Variants in NEURL1B observed in about 807,000 individuals in gnomAD.
The protein encoded by NEURL1B is E3 ubiquitin-protein ligase NEURL1B.
A neutral mutation model predicts 37.4 loss-of-function variants in NEURL1B; 13 were observed. The ratio of observed to expected loss-of-function variants is 0.35; its 90% confidence interval spans 0.23 to 0.55. The LOEUF (loss-of-function observed/expected upper bound fraction) is 0.55. Among genes scored for constraint, NEURL1B ranks in the 20% least tolerant of loss-of-function variants. NEURL1B has a pLI of 0.89. For synonymous variants in NEURL1B, 432 were observed against 426.6 expected, an observed-to-expected ratio of 1.01 and a Z score of -0.16; for missense variants, 790 against 879.2, an observed-to-expected ratio of 0.90 and a Z score of 1.28.
At chr5:172,663,087 A>T (rs917894433) in intron 1 of NEURL1B, among the ~76,000 whole-genome samples, 1 of 109,900 alleles carries the variant, frequency 9.1e-6, no homozygotes, top group African/African-American at 4.2e-5. Context: ...GGTGGCACAC[A>T]CCTGTCGTCC....
In NEURL1B at chr5:172,683,277, G is replaced by GT. The variant is rs1758399028; in HGVS notation, c.578-140dup. The stretch of plus-strand genomic sequence containing the variant: ...AATAACACAGATGGACAAAAGGAGA[G>GT]TTCGAAGCCGGGGTGGGGTGGGGGC... On this transcript the variant is annotated intron_variant, in intron 2 of 4. Transcript: ENST00000369800. This position sits in a 1 kb window ranked among gnomAD's most constrained non-coding sequence, Gnocchi z 5.6. The GT allele has an allele frequency of 1.1e-6, 1 of 945,680 alleles. No individual in the cohort carries two copies. The highest frequency in any genetic ancestry group is 4.3e-5 in the Admixed American group (1 of 23,058). The allele number at this position is 945,680 out of a possible 1,614,324, so 58.6% of individuals were successfully genotyped here.
intron 1 of NEURL1B, among the ~76,000 whole-genome samples, chr5:172,664,845 CTG>C (rs1283626255): frequency 9.9e-5 from 15 of 152,200 alleles, no homozygotes; most frequent in African/African-American, 2.9e-4. Flanking sequence ...AAAATAAAGA[CTG>C]TTTATCTCTT....
In NEURL1B at chr5:172,641,444, C is replaced by T. The variant is rs1215706845; in HGVS notation, c.31+7C>T. On this transcript the variant is annotated splice_region_variant and intron_variant, in intron 1 of 4. Coordinates refer to ENST00000369800, the MANE Select transcript of NEURL1B (RefSeq NM_001142651.3). The surrounding 1 kb of genome is among the most constrained non-coding windows in gnomAD (Gnocchi z 6.4). Reference sequence around the variant, plus strand: ...GTGCACCGGACCCTGCCAGGTACGCCGGGGAGCCCTGCCCGGGAGGCGGGC... The same window carrying T: ...GTGCACCGGACCCTGCCAGGTACGCTGGGGAGCCCTGCCCGGGAGGCGGGC... 6.1e-6 allele frequency: 8 copies of T among 1,322,004 alleles called. No individual in the cohort carries two copies. The highest frequency in any genetic ancestry group is 6.2e-5 in the East Asian group (2 of 32,110). The allele number at this position is 1,322,004 out of a possible 1,614,324, so 81.9% of individuals were successfully genotyped here.
At chr5:172,646,398 C>T (rs1030695586) in intron 1 of NEURL1B, among the ~76,000 whole-genome samples, 2 of 152,194 alleles carry the variant, frequency 1.3e-5, no homozygotes, top group Non-Finnish European at 2.9e-5. Context: ...CCTAGAGTCC[C>T]GGCACGGGGC....
chr5:172,641,672 C>T lies in NEURL1B; in HGVS notation c.31+235C>T, dbSNP rs531265526. Among the ~76,000 whole-genome samples the T allele has an allele frequency of 6.6e-6, 1 of 152,216 alleles. No homozygotes were observed. The highest frequency in any genetic ancestry group is 2.1e-4 in the South Asian group (1 of 4,828). The stretch of plus-strand genomic sequence containing the variant: ...CTTGGGGACCCCAGTCCTCATTCTC[C>T]CGGCTTTGGCCAGATGCGCAAAAAG... On this transcript the variant is annotated intron_variant, in intron 1 of 4. Transcript: ENST00000369800. The surrounding 1 kb of genome is among the most constrained non-coding windows in gnomAD (Gnocchi z 6.4).
In NEURL1B at chr5:172,684,068, C is replaced by A. The variant is rs1206925484; in HGVS notation, c.1227C>A (p.Val409=). 1.5e-6 allele frequency: 2 copies of A among 1,321,222 alleles called. No homozygotes were observed. Among genetic ancestry groups the A allele is most frequent in the Middle Eastern group, 2.8e-4 (1 of 3,510 alleles). The allele number at this position is 1,321,222 out of a possible 1,614,324, so 81.8% of individuals were successfully genotyped here. ...NGRPRGRLLC[V]DTTQALWAFF... is the part of the protein sequence containing the mutation. Reference sequence around the variant, plus strand: ...GTCCGCGCGGCCGCCTGCTGTGCGTCGACACCACGCAGGCGCTCTGGGCCT... The same window carrying A: ...GTCCGCGCGGCCGCCTGCTGTGCGTAGACACCACGCAGGCGCTCTGGGCCT... Residue 409 remains valine, a synonymous_variant, in exon 3 of 5, where the codon GTC becomes GTA. Transcript: ENST00000369800.
intron 2 of NEURL1B, among the ~76,000 whole-genome samples, chr5:172,678,816 T>C (rs570181001): frequency 1.6e-4 from 24 of 152,394 alleles, no homozygotes; most frequent in African/African-American, 5.5e-4. Flanking sequence ...TATGTTTCTC[T>C]GTCCCCAGTT....
intron 1 of NEURL1B, among the ~76,000 whole-genome samples, chr5:172,653,902 T>TTAC (rs990218107): frequency 6.6e-6 from 1 of 152,206 alleles, no homozygotes; most frequent in African/African-American, 2.4e-5. Flanking sequence ...ACTTTCTGAC[T>TTAC]TACTGCAAAC....
At chr5:172,651,750 A>T (rs939853142) in intron 1 of NEURL1B, among the ~76,000 whole-genome samples, 1 of 152,200 alleles carries the variant, frequency 6.6e-6, no homozygotes, top group African/African-American at 2.4e-5. Context: ...ATTAACTGTC[A>T]CCCACCAAAA....
At chr5:172,645,566 A>G (rs1049600210) in intron 1 of NEURL1B, among the ~76,000 whole-genome samples, 1 of 152,128 alleles carries the variant, frequency 6.6e-6, no homozygotes, top group African/African-American at 2.4e-5. Context: ...GCAATACTGC[A>G]TGGATGGCCC....
chr5:172,682,736 C>G (rs1758381528), intron 2 of NEURL1B, among the ~76,000 whole-genome samples: 1 of 152,208 alleles, frequency 6.6e-6, no homozygotes, highest in Non-Finnish European at 1.5e-5. Flanking sequence ...TCCCTTCTTT[C>G]AGAGGCAGCA....
intron 2 of NEURL1B, among the ~76,000 whole-genome samples, chr5:172,672,545 C>T (rs925479879): frequency 2.1e-4 from 27 of 130,612 alleles, no homozygotes; most frequent in Non-Finnish European, 3.8e-4. Context: ...AACTCTCCCC[C>T]CCCCACTCTA....
chr5:172,677,083 T>C (rs1758245896), intron 2 of NEURL1B, among the ~76,000 whole-genome samples: 1 of 151,628 alleles, frequency 6.6e-6, no homozygotes, highest in Admixed American at 6.6e-5. Flanking sequence ...CCAGGGGCTG[T>C]CTCGGTGAGG....
rs1462848587 is a variant in NEURL1B, at chr5:172,686,146, CT to C, written c.1298-24del. The C allele has an allele frequency of 5.8e-6, 9 of 1,550,434 alleles. No homozygotes were observed. Among genetic ancestry groups the C allele is most frequent in the Admixed American group, 3.9e-5 (2 of 50,910 alleles). On this transcript the variant is annotated intron_variant, in intron 3 of 4. Coordinates refer to ENST00000369800, the MANE Select transcript of NEURL1B (RefSeq NM_001142651.3). This position sits in a 1 kb window ranked among gnomAD's most constrained non-coding sequence, Gnocchi z 7.9. ...GGGCAGGTCCAACCTTCCACTGCCCCTGATGGAATCTCTTTGGGCCTCAGGT... is the reference window on the plus strand; with the variant it reads ...GGGCAGGTCCAACCTTCCACTGCCCCGATGGAATCTCTTTGGGCCTCAGGT...
At chr5:172,656,667 T>C in intron 1 of NEURL1B, 1 of 1,572,734 alleles carries the variant, frequency 6.4e-7, no homozygotes, top group Non-Finnish European at 8.7e-7. Flanking sequence ...GGCCTACTTC[T>C]TGGGCTGTTT....
At position 172,688,939 on chromosome 5, in the gene NEURL1B, GCTGTGGGGTCTCAGTGGC is replaced by G. The variant is rs1168029479; in HGVS notation, c.*2018_*2035del. On this transcript the variant is annotated 3_prime_UTR_variant, in exon 5 of 5. Transcript: ENST00000369800. This position sits in a 1 kb window ranked among gnomAD's most constrained non-coding sequence, Gnocchi z 4.3. ...TGTCTACACTGCGACCCAGCCACAAGCTGTGGGGTCTCAGTGGCCTGGGGGAAAGCAGCTCCACTCTCC... is the reference window on the plus strand; with the variant it reads ...TGTCTACACTGCGACCCAGCCACAAGCTGGGGGAAAGCAGCTCCACTCTCC... 2.0e-5 allele frequency: 3 copies of G among 152,296 alleles called. No homozygotes were observed. The highest frequency in any genetic ancestry group is 7.2e-5 in the African/African-American group (3 of 41,468). 9.4% of individuals were successfully genotyped at this position (152,296 alleles called of 1,614,324 possible). A position where few individuals can be genotyped will look rare whatever the true frequency, so the allele number is the denominator to read the frequency against.
intron 1 of NEURL1B, among the ~76,000 whole-genome samples, chr5:172,659,303 G>C (rs966670792): frequency 2.0e-5 from 3 of 152,094 alleles, no homozygotes; most frequent in Admixed American, 2.0e-4. Flanking sequence ...TTCAGGCCCC[G>C]CAGGTGCTCT....
chr5:172,683,514 GACA>G lies in NEURL1B; in HGVS notation c.679_681del (p.Asn227del). 6.7e-7 allele frequency: 1 copy of G among 1,502,366 alleles called. No individual in the cohort carries two copies. The highest frequency in any genetic ancestry group is 8.8e-7 in the Non-Finnish European group (1 of 1,130,806). The allele number at this position is 1,502,366 out of a possible 1,614,324, so 93.1% of individuals were successfully genotyped here. A position where few individuals can be genotyped will look rare whatever the true frequency, so the allele number is the denominator to read the frequency against. ...CAGCAGCCACGACGCGGCCAACTTC[GACA>G]ACAACGAGCTCGAGAACAACCAGGT... is the stretch of plus-strand genomic sequence containing the variant. On this transcript the variant is annotated inframe_deletion, in exon 3 of 5. Coordinates refer to ENST00000369800, the MANE Select transcript of NEURL1B (RefSeq NM_001142651.3). The surrounding 1 kb of genome is among the most constrained non-coding windows in gnomAD (Gnocchi z 5.6).
chr5:172,680,651 T>C (rs1758333763), intron 2 of NEURL1B, among the ~76,000 whole-genome samples: 1 of 152,192 alleles, frequency 6.6e-6, no homozygotes, highest in South Asian at 2.1e-4. Context: ...ACTAGAAAAC[T>C]ATAAGAAGCA....
Sources: gnomAD v4.1 joint callset for allele counts (sites outside exome capture counted in the v4.1 genomes callset) on GRCh38, gnomAD v4.1.1 for gene constraint, Gnocchi (gnomAD v3.1) non-coding constraint, MANE v1.5 for transcripts, NCBI Gene and HGNC (gene_info 2026-07-23, HGNC 2026-07-21) for gene names.